BCL7A: variants seen among roughly 807,000 people sequenced by gnomAD.
BCL7A encodes BAF chromatin remodeling complex subunit BCL7A.
Under a neutral mutation model 28.4 loss-of-function variants are expected in BCL7A, and 11 were observed. The ratio of observed to expected loss-of-function variants is 0.39; its 90% confidence interval spans 0.24 to 0.64. BCL7A has a LOEUF of 0.64. Among genes scored for constraint, BCL7A ranks in the 30% least tolerant of loss-of-function variants. The pLI, the probability that BCL7A is intolerant of heterozygous loss-of-function variation, is 0.50. For missense variants in BCL7A, 222 were observed against 274.8 expected (o/e 0.81, Z 1.36); for synonymous variants, 123 against 103.3 (o/e 1.19, Z -1.15).
At chr12:122,039,207 G>C (rs1348931767) in intron 3 of BCL7A, among the ~76,000 whole-genome samples, 4 of 151,420 alleles carry the variant, frequency 2.6e-5, no homozygotes, top group Non-Finnish European at 5.9e-5. Flanking sequence ...TGAGGCAAGA[G>C]AATGGCGTGA....
rs1229477598 is a variant in BCL7A, at chr12:122,021,920, G to GTGTGTGTA, written c.-165_-164insATGTGTGT. On this transcript the variant is annotated 5_prime_UTR_variant, in exon 1 of 6. The change creates a new upstream start codon in the 5' untranslated region. Transcript: ENST00000261822. ...GGCGCGCGGCGGCCCCGGGCTTTGT[G>GTGTGTGTA]TGTGTGTGTATGTGTGTGTGTGTGT... 615 of 407,450 alleles carry GTGTGTGTA rather than the reference G, an allele frequency of 1.5e-3. 2 individuals carry two copies. Among genetic ancestry groups the GTGTGTGTA allele is most frequent in the African/African-American group, 7.0e-3 (261 of 37,442 alleles). 25.2% of individuals were successfully genotyped at this position (407,450 alleles called of 1,614,324 possible).
intron 4 of BCL7A, among the ~76,000 whole-genome samples, chr12:122,047,661 A>G (rs1484743463): frequency 6.6e-6 from 1 of 151,996 alleles, no homozygotes; most frequent in Non-Finnish European, 1.5e-5. Flanking sequence ...AGTAACTGGG[A>G]CTACAGACAT....
chr12:122,022,585 CCGG>C (rs1883490301), intron 1 of BCL7A, among the ~76,000 whole-genome samples: 1 of 145,052 alleles, frequency 6.9e-6, no homozygotes, highest in African/African-American at 2.5e-5. Context: ...GGCCGCGATG[CCGG>C]CGGCGGCGGG....
intron 2 of BCL7A, among the ~76,000 whole-genome samples, chr12:122,034,672 T>TTGGAGC (rs540352631): frequency 7.9e-5 from 12 of 151,386 alleles, no homozygotes; most frequent in African/African-American, 2.9e-4. Context: ...GGAGTTGGAG[T>TTGGAGC]TGGAGCTTGC....
In BCL7A at chr12:122,051,059, T is replaced by G. The variant is rs116475990; in HGVS notation, c.440-3746T>G. On this transcript the variant is annotated intron_variant, in intron 4 of 5. Transcript: ENST00000261822. ...GGCCTTGTTTCTCCCACGTTGGGGG[T>G]GTGTGTCTCCTTTGCTCTAGAAGCC... Among the ~76,000 whole-genome samples the G allele has an allele frequency of 5.6e-3, 844 of 152,036 alleles. 8 individuals carry two copies. The highest frequency in any genetic ancestry group is 0.019 in the African/African-American group (805 of 41,444).
At chr12:122,058,313 T>A (rs1312655857) in intron 5 of BCL7A, among the ~76,000 whole-genome samples, 1 of 152,168 alleles carries the variant, frequency 6.6e-6, no homozygotes, top group African/African-American at 2.4e-5. Context: ...GAGACCAGCC[T>A]GGCCAACATG....
rs73417629 is a variant in BCL7A, at chr12:122,061,260, G to A, written c.*2097G>A. The A allele has an allele frequency of 0.027, 6,275 of 231,122 alleles. 358 individuals are homozygous for A. Among genetic ancestry groups the A allele is most frequent in the African/African-American group, 0.13 (5,744 of 45,282 alleles). The allele number at this position is 231,122 out of a possible 1,614,324, so 14.3% of individuals were successfully genotyped here. ...CACACATCCACAGAAACAGAGAGGC[G>A]TAGGTGGCCCTGCCGTTGACCGCAG... On this transcript the variant is annotated 3_prime_UTR_variant, in exon 6 of 6. Transcript: ENST00000261822.
chr12:122,022,598 G>C (rs1275502250), intron 1 of BCL7A, among the ~76,000 whole-genome samples: 1 of 146,010 alleles, frequency 6.8e-6, no homozygotes, highest in African/African-American at 2.5e-5. Flanking sequence ...GCGGCGGCGG[G>C]GAGAGCGCGA....
chr12:122,023,727 T>C (rs572711408), intron 1 of BCL7A, among the ~76,000 whole-genome samples: 2 of 152,184 alleles, frequency 1.3e-5, no homozygotes, highest in Admixed American at 6.5e-5. Context: ...ACTGGAGCCA[T>C]TTAAAAATGG....
At chr12:122,034,207 A>G (rs1204181420) in intron 2 of BCL7A, among the ~76,000 whole-genome samples, 6 of 24,124 alleles carry the variant, frequency 2.5e-4, no homozygotes, top group African/African-American at 7.7e-4. Flanking sequence ...ATATATATAT[A>G]TATATATATA....
intron 4 of BCL7A, among the ~76,000 whole-genome samples, chr12:122,049,089 T>C (rs1884139924): frequency 7.4e-6 from 1 of 135,440 alleles, no homozygotes; most frequent in African/African-American, 2.8e-5. Flanking sequence ...TACATAAAAC[T>C]ATAGGCATGT....
intron 3 of BCL7A, among the ~76,000 whole-genome samples, chr12:122,039,078 T>C (rs1038771165): frequency 4.6e-5 from 7 of 151,824 alleles, no homozygotes; most frequent in South Asian, 2.1e-4. Flanking sequence ...GGGCAGATCA[T>C]GAGGTTGGGA....
intron 4 of BCL7A, among the ~76,000 whole-genome samples, chr12:122,045,873 G>A (rs189622132): frequency 1.3e-5 from 2 of 151,708 alleles, no homozygotes; most frequent in South Asian, 2.1e-4. Flanking sequence ...AGGATCTTTT[G>A]AGCCCAGGAG....
intron 1 of BCL7A, among the ~76,000 whole-genome samples, chr12:122,023,588 G>A (rs551229205): frequency 6.6e-6 from 1 of 152,350 alleles, no homozygotes; most frequent in Admixed American, 6.5e-5. Context: ...ATGCCCGGCC[G>A]TGGGCTGGGT....
rs188300967 is a variant in BCL7A at position 122,061,588 on chromosome 12, C to G, written c.*2425C>G. The G allele has an allele frequency of 3.0e-3, 679 of 228,332 alleles. 9 individuals carry two copies. The highest frequency in any genetic ancestry group is 0.018 in the East Asian group (296 of 16,020). 14.1% of individuals were successfully genotyped at this position (228,332 alleles called of 1,614,324 possible). ...CACCCTGCACCCCTCGCCCTCCCCC[C>G]ACCACAGAATCTAAGACCTTTCAGC... On this transcript the variant is annotated 3_prime_UTR_variant, in exon 6 of 6. Coordinates refer to ENST00000261822, the MANE Select transcript of BCL7A (RefSeq NM_001024808.3).
rs556014682 is a variant in BCL7A at position 122,061,639 on chromosome 12, G to A, written c.*2476G>A. 22 of 173,494 alleles carry A rather than the reference G, an allele frequency of 1.3e-4. No homozygotes were observed. Among genetic ancestry groups the A allele is most frequent in the East Asian group, 3.2e-4 (3 of 9,422 alleles). 10.7% of individuals were successfully genotyped at this position (173,494 alleles called of 1,614,324 possible). On this transcript the variant is annotated 3_prime_UTR_variant, in exon 6 of 6. Transcript: ENST00000261822. ...TTCGAGCCAGGGGGCGGGGGATCCC[G>A]AGCAAAAGCCTTCCGTGGACATCAG...
intron 1 of BCL7A, among the ~76,000 whole-genome samples, 169 bp downstream of exon 1, chr12:122,022,352 G>T (rs1339905612): frequency 1.4e-5 from 2 of 144,110 alleles, no homozygotes; most frequent in South Asian, 2.1e-4. Context: ...CGCGAGCCGG[G>T]TCACCTGCGC....
intron 4 of BCL7A, among the ~76,000 whole-genome samples, chr12:122,047,084 A>T (rs1172791218): frequency 6.6e-6 from 1 of 151,440 alleles, no homozygotes; most frequent in East Asian, 2.0e-4. Flanking sequence ...TTGTATTTTT[A>T]GTAGAGATGG....
At chr12:122,057,022 G>A (rs539559164) in intron 5 of BCL7A, among the ~76,000 whole-genome samples, 17 of 152,300 alleles carry the variant, frequency 1.1e-4, no homozygotes, top group Non-Finnish European at 1.6e-4. Context: ...CCACAGTGGG[G>A]CTGACAATGG....
Sources: gnomAD v4.1 joint callset for allele counts (sites outside exome capture counted in the v4.1 genomes callset) on GRCh38, gnomAD v4.1.1 for gene constraint, MANE v1.5 for transcripts, NCBI Gene and HGNC (gene_info 2026-07-23, HGNC 2026-07-21) for gene names.